Variants in RBFOX1 observed in about 807,000 individuals in gnomAD.
RBFOX1 encodes RNA binding protein fox-1 homolog 1.
A neutral mutation model predicts 57.7 loss-of-function variants in RBFOX1; 8 were observed. The ratio of observed to expected loss-of-function variants is 0.14; its 90% confidence interval spans 0.08 to 0.25. The LOEUF is 0.25. Ranked by LOEUF, RBFOX1 falls within the 10% of genes least tolerant of loss-of-function variation. The pLI is 1.00. For missense variants in RBFOX1, 611 were observed against 548.5 expected, an observed-to-expected ratio of 1.11 and a Z score of -1.14; for synonymous variants, 326 against 222.4, an observed-to-expected ratio of 1.47 and a Z score of -4.15.
intron 3 of RBFOX1, among the ~76,000 whole-genome samples, chr16:6,733,786 A>T (rs1025751465): frequency 1.3e-5 from 2 of 152,150 alleles, no homozygotes; most frequent in Non-Finnish European, 2.9e-5. Context: ...CTGAAATCTG[A>T]CAAAGCTGGG....
intron 4 of RBFOX1, among the ~76,000 whole-genome samples, chr16:7,139,850 A>G (rs541274183): frequency 2.0e-5 from 3 of 151,924 alleles, no homozygotes; most frequent in Non-Finnish European, 4.4e-5. Context: ...AGGAATGAGG[A>G]ATTGAGGAGG....
At chr16:6,015,890 G>A (rs149553142), upstream of RBFOX1, among the ~76,000 whole-genome samples, 13 of 152,282 alleles carry the variant, frequency 8.5e-5, no homozygotes, top group East Asian at 1.5e-3. Flanking sequence ...TACGCTTCTC[G>A]AGTGCAGAAA....
At chr16:6,399,162 A>G (rs2152950068) in intron 2 of RBFOX1, among the ~76,000 whole-genome samples, 1 of 152,334 alleles carries the variant, frequency 6.6e-6, no homozygotes. Context: ...GAGCTGAAGC[A>G]GCTGGGATGC....
At chr16:5,911,400 CT>C (rs2058599310) in intron 4 of RBFOX1, among the ~76,000 whole-genome samples, 1 of 152,214 alleles carries the variant, frequency 6.6e-6, no homozygotes, top group African/African-American at 2.4e-5. Context: ...AGACCTCTTG[CT>C]GTTGAGATAA....
chr16:5,610,273 G>T (rs548147194), intron 3 of RBFOX1: 1 of 152,376 alleles, frequency 6.6e-6, no homozygotes, highest in South Asian at 2.1e-4. Context: ...TGAAAGACTA[G>T]TGAGCAGCTG....
At chr16:5,382,799 T>C (rs2066162992) in intron 1 of RBFOX1, among the ~76,000 whole-genome samples, 1 of 152,270 alleles carries the variant, frequency 6.6e-6, no homozygotes, top group Non-Finnish European at 1.5e-5. Context: ...GCTTACAATA[T>C]GCCACTGTGG....
intron 2 of RBFOX1, among the ~76,000 whole-genome samples, chr16:6,526,645 A>C (rs1052303927): frequency 2.6e-5 from 4 of 151,936 alleles, no homozygotes; most frequent in Admixed American, 6.6e-5. Context: ...CCTGGCTAAC[A>C]TGGAGAAACC....
chr16:7,493,166 C>T (rs2067479498), intron 4 of RBFOX1, among the ~76,000 whole-genome samples: 1 of 152,200 alleles, frequency 6.6e-6, no homozygotes, highest in African/African-American at 2.4e-5. Flanking sequence ...GGCGTGAAGC[C>T]ACTGTGCGCA....
At chr16:7,249,948 C>T (rs1001366602) in intron 4 of RBFOX1, among the ~76,000 whole-genome samples, 1 of 152,192 alleles carries the variant, frequency 6.6e-6, no homozygotes. Context: ...GAGACTCTTT[C>T]TCTAAATCTC....
chr16:7,703,256 T>C (rs1056128019), intron 14 of RBFOX1, among the ~76,000 whole-genome samples: 1 of 152,222 alleles, frequency 6.6e-6, no homozygotes, highest in African/African-American at 2.4e-5. Flanking sequence ...ACCCGGGCCA[T>C]TCATTGATCC....
chr16:6,541,619 T>G (rs186111552), intron 2 of RBFOX1, among the ~76,000 whole-genome samples: 1 of 152,340 alleles, frequency 6.6e-6, no homozygotes, highest in East Asian at 1.9e-4. Flanking sequence ...ATATGACTTA[T>G]GTTTTAAAAA....
intron 1 of RBFOX1, among the ~76,000 whole-genome samples, chr16:6,069,028 G>T (rs547056382): frequency 6.6e-6 from 1 of 152,086 alleles, no homozygotes; most frequent in East Asian, 1.9e-4. Flanking sequence ...AAAGAATGAA[G>T]GAAGGGAGAA....
chr16:5,947,978 C>G lies in RBFOX1; in HGVS notation c.351+80643C>G, dbSNP rs1016705254. Among the ~76,000 whole-genome samples, 10 of 152,148 alleles carry G rather than the reference C, an allele frequency of 6.6e-5. No homozygotes were observed. Among genetic ancestry groups the G allele is most frequent in the African/African-American group, 2.2e-4 (9 of 41,420 alleles). Reference sequence around the variant, plus strand: ...GATTCTTGATTGAATTCCCTTTTGACCGTGGCGCTGAGGACATATGTTCAT... The same window carrying G: ...GATTCTTGATTGAATTCCCTTTTGAGCGTGGCGCTGAGGACATATGTTCAT... On this transcript the variant is annotated intron_variant, in intron 4 of 19. Transcript: ENST00000641259. This position sits in a 1 kb window ranked among gnomAD's most constrained non-coding sequence, Gnocchi z 7.2.
At chr16:6,179,395 T>C (rs138890722) in intron 1 of RBFOX1, among the ~76,000 whole-genome samples, 1 of 152,276 alleles carries the variant, frequency 6.6e-6, no homozygotes, top group African/African-American at 2.4e-5. Context: ...GGTTTATCTG[T>C]ATAAAGGAAT....
chr16:7,356,565 A>G (rs941959851), intron 4 of RBFOX1, among the ~76,000 whole-genome samples: 5 of 152,188 alleles, frequency 3.3e-5, no homozygotes, highest in South Asian at 2.1e-4. Flanking sequence ...CCTGCACAGC[A>G]TGATAATGAG....
intron 1 of RBFOX1, among the ~76,000 whole-genome samples, chr16:6,171,541 T>C (rs2096960735): frequency 6.6e-6 from 1 of 152,120 alleles, no homozygotes; most frequent in East Asian, 1.9e-4. Context: ...GGACCAGCAG[T>C]TAGATTTGGA....
At position 5,940,236 on chromosome 16, in the gene RBFOX1, G is replaced by A. The variant is rs533446442; in HGVS notation, c.351+72901G>A. Among the ~76,000 whole-genome samples, 113 of 152,258 alleles carry A rather than the reference G, an allele frequency of 7.4e-4. 3 individuals carry two copies. In the South Asian group the frequency reaches 0.023, roughly 31 times the overall value. The stretch of plus-strand genomic sequence containing the variant: ...ATCTCTAGTTGTGTGACCTTAGTTA[G>A]GCAAGTCACTTTCTACTTCTGAGTC... On this transcript the variant is annotated intron_variant, in intron 4 of 19. Transcript: ENST00000641259.
chr16:6,533,840 CACAGTA>C (rs2096696823), intron 2 of RBFOX1, among the ~76,000 whole-genome samples: 1 of 152,162 alleles, frequency 6.6e-6, no homozygotes, highest in African/African-American at 2.4e-5. Flanking sequence ...CCAGATAAAA[CACAGTA>C]CGTACTAAAC....
intron 1 of RBFOX1, among the ~76,000 whole-genome samples, chr16:6,055,430 T>C (rs1411521817): frequency 6.6e-6 from 1 of 151,580 alleles, no homozygotes; most frequent in East Asian, 2.0e-4. Flanking sequence ...CCATCTCTAC[T>C]AAAAATACAA....
Sources: gnomAD v4.1 joint callset for allele counts (sites outside exome capture counted in the v4.1 genomes callset) on GRCh38, gnomAD v4.1.1 for gene constraint, Gnocchi (gnomAD v3.1) non-coding constraint, MANE v1.5 for transcripts, NCBI Gene and HGNC (gene_info 2026-07-23, HGNC 2026-07-21) for gene names.